The following ZNF670 variants were observed in gnomAD, a reference collection of about 807,000 sequenced individuals.
ZNF670 encodes zinc finger protein 670.
ZNF670 carries 7 observed loss-of-function variants against 10.9 expected under a neutral mutation model. That is an observed-to-expected ratio of 0.64 (90% CI 0.36 to 1.20). ZNF670 has a LOEUF of 1.20. ZNF670 is among the 50% of genes most tolerant of loss of function. The probability of loss-of-function intolerance (pLI) is 0.02; values close to 1 mark genes in which losing one functional copy is unlikely to be tolerated. For missense variants in ZNF670, 446 were observed against 458.6 expected (o/e 0.97, Z 0.25); for synonymous variants, 136 against 152.7 (o/e 0.89, Z 0.81).
At chr1:247,076,127 C>T (rs944829787) in intron 1 of ZNF670, among the ~76,000 whole-genome samples, 1 of 152,136 alleles carries the variant, frequency 6.6e-6, no homozygotes, top group African/African-American at 2.4e-5. Context: ...AGAACACAGA[C>T]ATCTCTGGGT....
intron 1 of ZNF670, 152 bp downstream of exon 1, chr1:247,078,442 G>C: frequency 1.0e-6 from 1 of 978,544 alleles, no homozygotes; most frequent in Non-Finnish European, 1.5e-6. Flanking sequence ...CCCGGGGTCT[G>C]GCTGCGGGTC....
intron 1 of ZNF670, among the ~76,000 whole-genome samples, chr1:247,062,199 T>C (rs549605655): frequency 6.6e-6 from 1 of 152,196 alleles, no homozygotes; most frequent in Non-Finnish European, 1.5e-5. Flanking sequence ...CACTTTTTTT[T>C]TTCCTTGGTG....
At chr1:247,043,426 GA>G in intron 1 of ZNF670, 1 of 587,546 alleles carries the variant, frequency 1.7e-6, no homozygotes, top group Non-Finnish European at 3.0e-6. Context: ...CCTTTTGTCA[GA>G]AAATCTATAA....
At chr1:247,045,915 C>T (rs1022661733) in intron 1 of ZNF670, among the ~76,000 whole-genome samples, 2 of 152,092 alleles carry the variant, frequency 1.3e-5, no homozygotes, top group Non-Finnish European at 1.5e-5. Context: ...TTTTGGTGAG[C>T]TTGAGCAAAG....
chr1:247,038,939 C>T lies in ZNF670; in HGVS notation c.131-69G>A, dbSNP rs1477759765. The T allele has an allele frequency of 4.0e-6, 5 of 1,252,156 alleles. No homozygotes were observed. The African/African-American group carries it at 6.0e-5, about 15-fold the overall frequency. The allele number at this position is 1,252,156 out of a possible 1,614,324, so 77.6% of individuals were successfully genotyped here. On this transcript the variant is annotated intron_variant, in intron 2 of 3. Coordinates refer to ENST00000366503, the MANE Select transcript of ZNF670 (RefSeq NM_033213.5). ...TAAAAATTGCTAGATTCAAGGTTCA[C>T]TATACACTGTGACCATAACTAATTT...
rs569796579 is a variant in ZNF670 at position 247,078,758 on chromosome 1, A to G, written c.-162T>C. 4 of 705,310 alleles carry G rather than the reference A, an allele frequency of 5.7e-6. No individual in the cohort carries two copies. In the Admixed American group the frequency reaches 9.2e-5, roughly 16 times the overall value. The allele number at this position is 705,310 out of a possible 1,614,324, so 43.7% of individuals were successfully genotyped here. A position where few individuals can be genotyped will look rare whatever the true frequency, so the allele number is the denominator to read the frequency against. Reference sequence around the variant, plus strand: ...GCCACATTCGCGCTGCCCAACACAAAAGCCGCGCCAGGTCCCGGAAGCTGC... The same window carrying G: ...GCCACATTCGCGCTGCCCAACACAAGAGCCGCGCCAGGTCCCGGAAGCTGC... On this transcript the variant is annotated 5_prime_UTR_variant, in exon 1 of 4. Coordinates refer to ENST00000366503, the MANE Select transcript of ZNF670 (RefSeq NM_033213.5).
At chr1:247,051,782 A>ATTTTTTTTTT (rs58493948) in intron 1 of ZNF670, among the ~76,000 whole-genome samples, 1 of 138,216 alleles carries the variant, frequency 7.2e-6, no homozygotes, top group Non-Finnish European at 1.6e-5. Flanking sequence ...TTCTTTTTTC[A>ATTTTTTTTTT]TTTTTTTTTT....
intron 1 of ZNF670, among the ~76,000 whole-genome samples, 180 bp downstream of exon 1, chr1:247,078,414 C>A (rs973879217): frequency 1.1e-4 from 17 of 152,298 alleles, no homozygotes; most frequent in Non-Finnish European, 2.5e-4. Flanking sequence ...AGCGGCGGGG[C>A]AGGGACAAGC....
At chr1:247,067,805 G>A (rs957755761) in intron 1 of ZNF670, among the ~76,000 whole-genome samples, 4 of 114,832 alleles carry the variant, frequency 3.5e-5, no homozygotes, top group Non-Finnish European at 4.9e-5. Context: ...TCCCGCCACT[G>A]CACTCCAGCC....
At chr1:247,063,629 C>CCTTAGGA (rs1670915515) in intron 1 of ZNF670, among the ~76,000 whole-genome samples, 1 of 146,862 alleles carries the variant, frequency 6.8e-6, no homozygotes. Flanking sequence ...TCATCGCCAG[C>CCTTAGGA]CTTAGGAGGA....
chr1:247,048,384 C>T (rs1670509783), intron 1 of ZNF670, among the ~76,000 whole-genome samples: 1 of 152,190 alleles, frequency 6.6e-6, no homozygotes, highest in Non-Finnish European at 1.5e-5. Flanking sequence ...TCTGAAACCA[C>T]CTCAGCCTGG....
Position 247,036,976 on chromosome 1 carries a change from T to C in ZNF670, c.*473A>G, listed in dbSNP as rs1207635856. 6.5e-6 allele frequency: 1 copy of C among 154,568 alleles called. No homozygotes were observed. Among genetic ancestry groups the C allele is most frequent in the Non-Finnish European group, 1.4e-5 (1 of 69,788 alleles). 9.6% of individuals were successfully genotyped at this position (154,568 alleles called of 1,614,324 possible). A position where few individuals can be genotyped will look rare whatever the true frequency, so the allele number is the denominator to read the frequency against. On this transcript the variant is annotated 3_prime_UTR_variant, in exon 4 of 4. Transcript: ENST00000366503. ...CTACATGAAAATTAAAATTGCCTAC[T>C]ATTAGAAATACATTTCAACTTAGTC...
intron 1 of ZNF670, among the ~76,000 whole-genome samples, chr1:247,060,788 G>A (rs549446863): frequency 1.3e-5 from 2 of 152,058 alleles, no homozygotes; most frequent in African/African-American, 2.4e-5. Context: ...TATAACACAG[G>A]TTATAAAGCT....
intron 1 of ZNF670, among the ~76,000 whole-genome samples, chr1:247,046,820 C>G (rs143273107): frequency 7.3e-4 from 111 of 152,308 alleles, no homozygotes; most frequent in African/African-American, 2.6e-3. Context: ...TCTAGTATGT[C>G]AGAAGTCACA....
At chr1:247,049,874 G>A (rs987417479) in intron 1 of ZNF670, among the ~76,000 whole-genome samples, 50 of 152,270 alleles carry the variant, frequency 3.3e-4, no homozygotes, top group African/African-American at 1.1e-3. Flanking sequence ...ATACTCCATT[G>A]TGGTCTAAGA....
Position 247,078,664 on chromosome 1 carries a change from G to A in ZNF670, c.-68C>T, listed in dbSNP as rs988971907. The stretch of plus-strand genomic sequence containing the variant: ...GGGACCTGCAGGTCCCAGAGCAACA[G>A]AAGCTGCCGCGGGACCACTTGGACC... On this transcript the variant is annotated 5_prime_UTR_variant, in exon 1 of 4. Transcript: ENST00000366503. 22 of 1,584,068 alleles carry A rather than the reference G, an allele frequency of 1.4e-5. No individual in the cohort carries two copies. The highest frequency in any genetic ancestry group is 2.7e-5 in the African/African-American group (2 of 74,048).
At chr1:247,043,010 AT>A (rs1451240418) in intron 1 of ZNF670, 2 of 794,552 alleles carry the variant, frequency 2.5e-6, no homozygotes, top group African/African-American at 1.6e-5. Context: ...CAGAAAGTGA[AT>A]CCATACAAGA....
At chr1:247,050,633 G>A (rs56262748) in intron 1 of ZNF670, among the ~76,000 whole-genome samples, 21,838 of 151,776 alleles carry the variant, frequency 0.14, 1,683 homozygotes, top group Middle Eastern at 0.24. Flanking sequence ...GCACCACCAC[G>A]CCCAACTAAT....
At position 247,037,486 on chromosome 1, in the gene ZNF670, C is replaced by A. The variant is rs774206168; in HGVS notation, c.1133G>T (p.Ser378Ile). The change falls in exon 4 of 4, where the codon AGT becomes ATT. Residue 378 changes from serine (S) to isoleucine (I), a missense_variant. Transcript: ENST00000366503. ...AGCTCTTTCATGCTTTCGAAGGGAACTGGAACAACTGAAGGCTTTACCACA... is the reference window on the plus strand; with the variant it reads ...AGCTCTTTCATGCTTTCGAAGGGAAATGGAACAACTGAAGGCTTTACCACA... The part of the protein sequence containing the change: ...KKCGKAFSCS[S>I]SLRKHERAYM... 13 of 1,613,464 alleles carry A rather than the reference C, an allele frequency of 8.1e-6. No homozygotes were observed. The highest frequency in any genetic ancestry group is 1.1e-5 in the Non-Finnish European group (13 of 1,179,780).
Sources: allele counts gnomAD v4.1 joint callset (sites outside exome capture counted in the v4.1 genomes callset), GRCh38; gene constraint gnomAD v4.1.1; transcripts MANE v1.5; gene names NCBI Gene and HGNC (gene_info 2026-07-23, HGNC 2026-07-21).